Variants in SLCO6A1 observed in about 807,000 individuals in gnomAD.
SLCO6A1 encodes the protein solute carrier organic anion transporter family member 6A1.
In SLCO6A1, 65 loss-of-function variants were observed where a neutral mutation model predicts 72.7. That is an observed-to-expected ratio of 0.89 (90% confidence interval 0.73 to 1.10). SLCO6A1 has a LOEUF of 1.10. SLCO6A1 is among the 50% of genes least tolerant of loss of function. The pLI is 0.00. For missense variants in SLCO6A1, 874 were observed against 872.6 expected (o/e 1.00, Z -0.02); for synonymous variants, 314 against 298.2 (o/e 1.05, Z -0.55).
At chr5:102,417,867 A>G (rs1045369763) in intron 8 of SLCO6A1, among the ~76,000 whole-genome samples, 5 of 151,996 alleles carry the variant, frequency 3.3e-5, no homozygotes, top group Admixed American at 3.3e-4. Flanking sequence ...TGGAGGTTAC[A>G]TGCCTGTAAT....
chr5:102,467,557 C>G (rs1751374237), intron 4 of SLCO6A1, among the ~76,000 whole-genome samples: 1 of 152,120 alleles, frequency 6.6e-6, no homozygotes, highest in East Asian at 1.9e-4. Context: ...TTTATTTCCA[C>G]TTGGCCCTGC....
chr5:102,398,924 T>G (rs531345620), intron 10 of SLCO6A1, among the ~76,000 whole-genome samples: 1 of 152,178 alleles, frequency 6.6e-6, no homozygotes, highest in South Asian at 2.1e-4. Context: ...ACCATTTTCC[T>G]CTCTTTGTTT....
intron 12 of SLCO6A1, among the ~76,000 whole-genome samples, chr5:102,381,731 CTT>C (rs57935092): frequency 6.0e-5 from 8 of 134,316 alleles, no homozygotes; most frequent in African/African-American, 1.1e-4. Context: ...CAATATTTAT[CTT>C]TTTTTTTTTT....
In SLCO6A1 at chr5:102,426,164, C is replaced by A. The variant is rs371904714; in HGVS notation, c.1277-6143G>T. Reference sequence around the variant, plus strand: ...AATGTAAAACCTAAAACCATAAAAACCCTAGAGGAAAACCTAGGCAATACC... The same window carrying A: ...AATGTAAAACCTAAAACCATAAAAAACCTAGAGGAAAACCTAGGCAATACC... On this transcript the variant is annotated intron_variant, in intron 7 of 13. Coordinates refer to ENST00000506729, the MANE Select transcript of SLCO6A1 (RefSeq NM_173488.5). Among the ~76,000 whole-genome samples, 72 of 152,190 alleles carry A rather than the reference C, an allele frequency of 4.7e-4. 1 individual carries two copies. In the East Asian group the frequency reaches 0.01, roughly 22 times the overall value.
At chr5:102,458,347 TA>T (rs1269877546) in intron 6 of SLCO6A1, 34 bp downstream of exon 6, 4 of 1,465,886 alleles carry the variant, frequency 2.7e-6, no homozygotes, top group Non-Finnish European at 3.8e-6. Flanking sequence ...CAGGTCAACT[TA>T]GTTGGATTGT....
chr5:102,380,537 A>T (rs987757147), intron 12 of SLCO6A1, among the ~76,000 whole-genome samples: 4 of 152,022 alleles, frequency 2.6e-5, no homozygotes, highest in Non-Finnish European at 5.9e-5. Context: ...TTCCATTTCA[A>T]ATATACTGGA....
At chr5:102,475,887 T>TATGAAAAGC in intron 3 of SLCO6A1, 94 bp from the exon 4 acceptor site, 1 of 873,462 alleles carries the variant, frequency 1.1e-6, no homozygotes, top group Non-Finnish European at 1.8e-6. Flanking sequence ...TTCTGAAAGC[T>TATGAAAAGC]TTTCATAGCA....
At chr5:102,376,593 A>C (rs1745806293) in intron 12 of SLCO6A1, among the ~76,000 whole-genome samples, 1 of 152,186 alleles carries the variant, frequency 6.6e-6, no homozygotes, top group African/African-American at 2.4e-5. Flanking sequence ...ACCAACCTAC[A>C]AATTTTAGCA....
At chr5:102,427,856 ATATATATAT>A (rs1748987734) in intron 7 of SLCO6A1, among the ~76,000 whole-genome samples, 16 of 124,796 alleles carry the variant, frequency 1.3e-4, no homozygotes, top group African/African-American at 5.7e-4. Context: ...ATATATATAT[ATATATATAT>A]TTTTTTTTTT....
At chr5:102,456,266 T>C (rs966239775) in intron 6 of SLCO6A1, among the ~76,000 whole-genome samples, 3 of 152,114 alleles carry the variant, frequency 2.0e-5, no homozygotes, top group East Asian at 1.9e-4. Flanking sequence ...GGCAATCAGG[T>C]AGGAGAATGA....
intron 8 of SLCO6A1, among the ~76,000 whole-genome samples, chr5:102,419,205 A>C (rs1472138073): frequency 6.6e-6 from 1 of 152,164 alleles, no homozygotes; most frequent in Non-Finnish European, 1.5e-5. Context: ...CCTTTAACCA[A>C]ATCTTTTAAA....
At chr5:102,447,431 C>G (rs1441666995) in intron 6 of SLCO6A1, among the ~76,000 whole-genome samples, 1 of 152,072 alleles carries the variant, frequency 6.6e-6, no homozygotes, top group Admixed American at 6.5e-5. Flanking sequence ...AGAATAGTTT[C>G]AGTAGGATTG....
In SLCO6A1 at chr5:102,388,718, T is replaced by C; in HGVS notation, c.1987A>G (p.Thr663Ala). 1 of 1,588,256 alleles carries C rather than the reference T, an allele frequency of 6.3e-7. No individual in the cohort carries two copies. The highest frequency in any genetic ancestry group is 1.2e-5 in the South Asian group (1 of 85,478). ...CCTACCAATAAGAAAGCCATTTTTG[T>C]CTTGTTATATATCCAACAACGTCCT... ...HTGRCWIYNK[T>A]KMAFLLVGIC... The change falls in exon 12 of 14, where the codon ACA (threonine) becomes GCA (alanine). Residue 663 changes from threonine to alanine, a missense_variant. Thr to Ala is a moderately conservative substitution (Grantham distance 58). Transcript: ENST00000506729.
intron 7 of SLCO6A1, among the ~76,000 whole-genome samples, chr5:102,423,549 A>G (rs1748724151): frequency 6.6e-6 from 1 of 152,246 alleles, no homozygotes; most frequent in Non-Finnish European, 1.5e-5. Flanking sequence ...ATATTGGTAA[A>G]GGGATCAATG....
chr5:102,476,530 G>A (rs1348699646), intron 3 of SLCO6A1, among the ~76,000 whole-genome samples: 1 of 152,070 alleles, frequency 6.6e-6, no homozygotes, highest in East Asian at 1.9e-4. Context: ...AAAAATGACA[G>A]TCACCAAAAC....
At chr5:102,412,223 A>C (rs539229450) in intron 9 of SLCO6A1, among the ~76,000 whole-genome samples, 1 of 151,986 alleles carries the variant, frequency 6.6e-6, no homozygotes, top group South Asian at 2.1e-4. Context: ...TATTTCTCAA[A>C]TGTATTTGAC....
chr5:102,431,825 G>A (rs749349438), intron 7 of SLCO6A1, among the ~76,000 whole-genome samples: 10 of 151,858 alleles, frequency 6.6e-5, no homozygotes, highest in African/African-American at 2.2e-4. Context: ...TAACACTTTC[G>A]GTGAGGTGTT....
chr5:102,487,185 G>T (rs1156274765), intron 1 of SLCO6A1, among the ~76,000 whole-genome samples: 1 of 152,134 alleles, frequency 6.6e-6, no homozygotes, highest in Admixed American at 6.5e-5. Flanking sequence ...TTTTGCAGCT[G>T]CATGTGTTAT....
chr5:102,374,202 G>A (rs969451914), intron 12 of SLCO6A1, among the ~76,000 whole-genome samples: 4 of 151,962 alleles, frequency 2.6e-5, no homozygotes, highest in South Asian at 2.1e-4. Context: ...TTGTAGAGAC[G>A]GGGTTTTGCC....
Sources: gnomAD v4.1 joint callset for allele counts (sites outside exome capture counted in the v4.1 genomes callset) on GRCh38, gnomAD v4.1.1 for gene constraint, MANE v1.5 for transcripts, NCBI Gene and HGNC (gene_info 2026-07-23, HGNC 2026-07-21) for gene names.